Variants in PCDHA12 observed in about 807,000 individuals in gnomAD.
PCDHA12 encodes the protein protocadherin alpha 12, also known as protocadherin alpha-12.
Under a neutral mutation model 60.0 loss-of-function variants are expected in PCDHA12, and 44 were observed. The ratio of observed to expected loss-of-function variants is 0.73; its 90% CI spans 0.58 to 0.94. The LOEUF is 0.94. Among genes scored for constraint, PCDHA12 ranks in the 40% least tolerant of loss-of-function variants. The pLI is 0.00. For synonymous variants in PCDHA12, 569 were observed against 553.0 expected (o/e 1.03, Z -0.40); for missense variants, 1,276 against 1,239.7 (o/e 1.03, Z -0.44).
intron 1 of PCDHA12, among the ~76,000 whole-genome samples, chr5:140,925,793 A>G (rs1261267937): frequency 6.6e-6 from 1 of 152,074 alleles, no homozygotes; most frequent in African/African-American, 2.4e-5. Context: ...GTATCTCAGT[A>G]CTTTCCCCTC....
intron 1 of PCDHA12, among the ~76,000 whole-genome samples, chr5:140,922,817 G>A (rs1554200973): frequency 1.3e-5 from 2 of 152,218 alleles, no homozygotes; most frequent in Non-Finnish European, 2.9e-5. Context: ...AGGAGATACA[G>A]CATACTGCTA....
chr5:140,951,546 G>A (rs962043182), intron 1 of PCDHA12, among the ~76,000 whole-genome samples: 9 of 151,942 alleles, frequency 5.9e-5, no homozygotes, highest in Non-Finnish European at 8.8e-5. Context: ...CAAGGGACGG[G>A]GGGAAGTGCT....
intron 1 of PCDHA12, chr5:140,929,431 C>T (rs155360): frequency 0.52 from 779,088 of 1,485,262 alleles, 207,160 homozygotes; most frequent in African/African-American, 0.75. Context: ...ATCAATTGAA[C>T]TAAACACTCC....
intron 1 of PCDHA12, chr5:140,929,129 C>T (rs1206531954): frequency 6.2e-7 from 1 of 1,614,052 alleles, no homozygotes; most frequent in South Asian, 1.1e-5. Context: ...GATGTCACTA[C>T]AGTTGAGAGA....
rs541261946 is a variant in PCDHA12, at chr5:140,926,749, G to T, written c.2367+48910G>T. ...GGCGTTCGGGAGGCGCAACGTCGGC[G>T]GTCGCTGAGTATCCAGCCCGCAGCA... On this transcript the variant is annotated intron_variant, in intron 1 of 3. Coordinates refer to ENST00000398631, the MANE Select transcript of PCDHA12 (RefSeq NM_018903.4). 7.3e-6 allele frequency: 9 copies of T among 1,237,260 alleles called. No homozygotes were observed. In the East Asian group the frequency reaches 2.0e-4, roughly 28 times the overall value. The allele number at this position is 1,237,260 out of a possible 1,614,324, so 76.6% of individuals were successfully genotyped here.
chr5:140,898,579 T>A (rs1471026172), intron 1 of PCDHA12, among the ~76,000 whole-genome samples: 1 of 152,222 alleles, frequency 6.6e-6, no homozygotes, highest in African/African-American at 2.4e-5. Flanking sequence ...GCCATGCTGT[T>A]TTGGTTACTG....
intron 1 of PCDHA12, among the ~76,000 whole-genome samples, chr5:140,892,990 G>T (rs782084236): frequency 1.3e-5 from 2 of 152,164 alleles, no homozygotes; most frequent in African/African-American, 2.4e-5. Context: ...GTATAAGTGA[G>T]AACATGTATT....
chr5:140,926,936 G>A, intron 1 of PCDHA12: 1 of 1,580,648 alleles, frequency 6.3e-7, no homozygotes, highest in Non-Finnish European at 8.6e-7. Context: ...TGGGTTTCCT[G>A]CGGCGCTGCA....
chr5:140,982,663 A>G (rs2096995052), intron 3 of PCDHA12, 100 bp downstream of exon 3: 5 of 1,473,648 alleles, frequency 3.4e-6, no homozygotes, highest in Admixed American at 2.6e-5. Context: ...TTTTTCTTTT[A>G]TATTTTTGTT....
At chr5:140,974,690 T>G (rs2096636717) in intron 1 of PCDHA12, among the ~76,000 whole-genome samples, 4 of 152,236 alleles carry the variant, frequency 2.6e-5, no homozygotes, top group Admixed American at 2.6e-4. Context: ...TTTGTATTTT[T>G]GGGTTTCACC....
At chr5:140,981,859 C>A (rs2096954450) in intron 2 of PCDHA12, among the ~76,000 whole-genome samples, 1 of 152,118 alleles carries the variant, frequency 6.6e-6, no homozygotes, top group African/African-American at 2.4e-5. Flanking sequence ...TCACTCCCAG[C>A]AATGTTTTAT....
intron 1 of PCDHA12, chr5:140,927,060 CT>C: frequency 1.2e-6 from 2 of 1,611,446 alleles, no homozygotes; most frequent in Non-Finnish European, 1.7e-6. Context: ...GGAACTTTCG[CT>C]TCCTTTCCAG....
chr5:140,941,548 C>CTCG (rs1175641247), intron 1 of PCDHA12, among the ~76,000 whole-genome samples: 1 of 151,868 alleles, frequency 6.6e-6, no homozygotes, highest in Non-Finnish European at 1.5e-5. Context: ...AACTCCTGAC[C>CTCG]TCGTGATCCA....
chr5:140,883,098 T>C lies in PCDHA12; in HGVS notation c.2367+5259T>C, dbSNP rs369154076. 21 of 1,614,014 alleles carry C rather than the reference T, an allele frequency of 1.3e-5. No homozygotes were observed. In the East Asian group the frequency reaches 4.0e-4, roughly 31 times the overall value. On this transcript the variant is annotated intron_variant, in intron 1 of 3. Coordinates refer to ENST00000398631, the MANE Select transcript of PCDHA12 (RefSeq NM_018903.4). ...CCTGATGATGGTACAAATGGAGATA[T>C]AGTTTACTCATTTAGAAGGCCTGTA... is the stretch of plus-strand genomic sequence containing the variant.
chr5:140,980,091 T>A (rs2096876102), intron 2 of PCDHA12, among the ~76,000 whole-genome samples: 1 of 152,218 alleles, frequency 6.6e-6, no homozygotes, highest in Non-Finnish European at 1.5e-5. Flanking sequence ...GTAGTTGGCT[T>A]GGTAAGATGT....
chr5:140,945,153 C>T (rs996541335), intron 1 of PCDHA12, among the ~76,000 whole-genome samples: 1 of 152,064 alleles, frequency 6.6e-6, no homozygotes, highest in African/African-American at 2.4e-5. Flanking sequence ...TTTCTATACA[C>T]TATTGAACTA....
intron 1 of PCDHA12, among the ~76,000 whole-genome samples, chr5:140,935,973 A>C (rs956262031): frequency 1.3e-5 from 2 of 150,786 alleles, no homozygotes; most frequent in Admixed American, 1.3e-4. Flanking sequence ...GCTCACTGCA[A>C]TCTCTGCCTC....
rs6883852 is a variant in PCDHA12, at chr5:140,924,704, G to T, written c.2367+46865G>T. 8.9e-3 allele frequency among the ~76,000 whole-genome samples: 1,352 copies of T among 152,160 alleles called. 15 individuals are homozygous for T. Among genetic ancestry groups the T allele is most frequent in the African/African-American group, 0.032 (1,309 of 41,486 alleles). On this transcript the variant is annotated intron_variant, in intron 1 of 3. Coordinates refer to ENST00000398631, the MANE Select transcript of PCDHA12 (RefSeq NM_018903.4). ...GAGGTCAGGAGTTCGAGACCAGCTT[G>T]TGCAACATGGCGAAACCTCACCTCT...
Position 140,876,759 on chromosome 5 carries a change from TG to T in PCDHA12, c.1292del (p.Gly431AlafsTer18), listed in dbSNP as rs2056563971. ...AYELVVTARDGGSPSLWATAR... is the reference protein window; with the variant it reads ...AYELVVTARDXGSPSLWATAR... ...ATGAGCTGGTGGTGACTGCGCGGGA[TG>T]GGGGCTCGCCTTCGCTGTGGGCCAC... On this transcript the variant is annotated frameshift_variant, in exon 1 of 4. Transcript: ENST00000398631. LOFTEE classifies it high-confidence loss of function. 6.2e-6 allele frequency: 10 copies of T among 1,614,028 alleles called. No homozygotes were observed. Among genetic ancestry groups the T allele is most frequent in the African/African-American group, 2.7e-5 (2 of 74,926 alleles).
Sources: gnomAD v4.1 joint callset for allele counts (sites outside exome capture counted in the v4.1 genomes callset) on GRCh38, gnomAD v4.1.1 for gene constraint, MANE v1.5 for transcripts, NCBI Gene and HGNC (gene_info 2026-07-23, HGNC 2026-07-21) for gene names.